WDR37: variants seen among roughly 807,000 people sequenced by gnomAD.
The protein encoded by WDR37 is WD repeat-containing protein 37.
A neutral mutation model predicts 62.9 loss-of-function variants in WDR37; 19 were observed. That is an observed-to-expected ratio of 0.30 (90% CI 0.21 to 0.44). The LOEUF is 0.44. Ranked by LOEUF, WDR37 falls within the 20% of genes least tolerant of loss-of-function variation. The pLI, the probability that WDR37 is intolerant of heterozygous loss-of-function variation, is 1.00. For missense variants in WDR37, 474 were observed against 657.6 expected, an observed-to-expected ratio of 0.72 and a Z score of 3.05; for synonymous variants, 250 against 260.9, an observed-to-expected ratio of 0.96 and a Z score of 0.40.
At chr10:1,089,702 C>T (rs1375639415) in intron 7 of WDR37, among the ~76,000 whole-genome samples, 5 of 151,642 alleles carry the variant, frequency 3.3e-5, no homozygotes, top group African/African-American at 7.2e-5. Flanking sequence ...TCGGCCTTCC[C>T]GTGCTCACCC....
chr10:1,072,095 G>GT (rs1246983056), intron 1 of WDR37, 21 bp from the exon 2 acceptor site: 20 of 1,581,784 alleles, frequency 1.3e-5, no homozygotes, highest in Non-Finnish European at 1.6e-5. Flanking sequence ...CAGAAACACT[G>GT]TTTTTTCTTG....
chr10:1,101,386 G>T (rs1480392919), intron 9 of WDR37, among the ~76,000 whole-genome samples: 1 of 152,192 alleles, frequency 6.6e-6, no homozygotes, highest in African/African-American at 2.4e-5. Flanking sequence ...CCCTCTGGGA[G>T]TGTCTGTGTC....
chr10:1,077,048 T>C (rs1444997707), intron 2 of WDR37, among the ~76,000 whole-genome samples: 1 of 152,026 alleles, frequency 6.6e-6, no homozygotes, highest in African/African-American at 2.4e-5. Flanking sequence ...TTAGAAATAT[T>C]TGATGGGGAT....
intron 1 of WDR37, among the ~76,000 whole-genome samples, chr10:1,066,230 C>T (rs1022193609): frequency 6.6e-6 from 1 of 152,182 alleles, no homozygotes; most frequent in East Asian, 1.9e-4. Flanking sequence ...ATTCTCCTGC[C>T]TCAGCCTCCT....
chr10:1,115,624 A>T (rs1177615683), intron 11 of WDR37, among the ~76,000 whole-genome samples: 1 of 152,238 alleles, frequency 6.6e-6, no homozygotes, highest in Admixed American at 6.5e-5. Flanking sequence ...CACAGTCAGC[A>T]TGCAGGTGTC....
chr10:1,108,746 C>CA (rs1835107884), intron 11 of WDR37, among the ~76,000 whole-genome samples: 6 of 139,738 alleles, frequency 4.3e-5, no homozygotes, highest in Middle Eastern at 3.3e-3. Flanking sequence ...GATGCCCCCC[C>CA]CCCCCGTGGA....
intron 13 of WDR37, 61 bp from the exon 14 acceptor site, chr10:1,129,151 AG>A: frequency 1.9e-6 from 3 of 1,592,698 alleles, no homozygotes; most frequent in Non-Finnish European, 2.6e-6. Context: ...CATTTCGCTG[AG>A]GTCTTATAAT....
intron 9 of WDR37, among the ~76,000 whole-genome samples, chr10:1,100,229 G>A (rs57514701): frequency 0.079 from 12,010 of 152,198 alleles, 488 homozygotes; most frequent in East Asian, 0.1. Context: ...CTGGTGTTGG[G>A]GGTTCTGAGT....
At chr10:1,097,872 G>T (rs1029580838) in intron 9 of WDR37, among the ~76,000 whole-genome samples, 5 of 152,176 alleles carry the variant, frequency 3.3e-5, no homozygotes, top group African/African-American at 1.2e-4. Context: ...TAACTTGTTT[G>T]GGTTCCGTGG....
chr10:1,125,816 A>G (rs1408440357), intron 13 of WDR37, among the ~76,000 whole-genome samples: 1 of 152,190 alleles, frequency 6.6e-6, no homozygotes, highest in Admixed American at 6.5e-5. Flanking sequence ...ATATATTTAA[A>G]TGTTAGTTTC....
rs1206498583 is a variant in WDR37 at position 1,071,970 on chromosome 10, CTTAATTTGTCA to C, written c.-40-144_-40-134del. ...GGCTGTGGTCCCTACCTTAAAACAT[CTTAATTTGTCA>C]TATTCCAAATTATATAGTTAATGTT... On this transcript the variant is annotated intron_variant, in intron 1 of 13. Coordinates refer to ENST00000263150, the MANE Select transcript of WDR37 (RefSeq NM_014023.4). 11 of 567,148 alleles carry C rather than the reference CTTAATTTGTCA, an allele frequency of 1.9e-5. No homozygotes were observed. In the African/African-American group the frequency reaches 2.1e-4, roughly 11 times the overall value. 35.1% of individuals were successfully genotyped at this position (567,148 alleles called of 1,614,324 possible).
chr10:1,067,102 C>T (rs985639098), intron 1 of WDR37, among the ~76,000 whole-genome samples: 1 of 152,080 alleles, frequency 6.6e-6, no homozygotes, highest in East Asian at 1.9e-4. Context: ...ATATGTAGAT[C>T]GGTGGAACAG....
chr10:1,058,826 TACTACAA>T (rs2131598695), intron 1 of WDR37, among the ~76,000 whole-genome samples: 1 of 152,378 alleles, frequency 6.6e-6, no homozygotes, highest in East Asian at 1.9e-4. Flanking sequence ...GATAAAATGT[TACTACAA>T]ACTTGATTAA....
At chr10:1,074,368 C>G (rs1306322547) in intron 2 of WDR37, 1 of 1,274,354 alleles carries the variant, frequency 7.8e-7, no homozygotes, top group South Asian at 1.3e-5. Context: ...GTAACCCTCA[C>G]GAAGGTAGCT....
chr10:1,074,629 G>A (rs1589083345), intron 2 of WDR37: 11 of 835,338 alleles, frequency 1.3e-5, no homozygotes, highest in South Asian at 1.6e-5. Flanking sequence ...GGTGTCTGCC[G>A]CACGCGTTTG....
chr10:1,129,111 A>G (rs1208541782), intron 13 of WDR37, 102 bp from the exon 14 acceptor site: 2 of 1,511,730 alleles, frequency 1.3e-6, no homozygotes, highest in African/African-American at 1.4e-5. Context: ...GTTTTCCTAT[A>G]ACTTACGTAC....
At chr10:1,083,616 A>G (rs768989319) in intron 5 of WDR37, among the ~76,000 whole-genome samples, 24 of 152,224 alleles carry the variant, frequency 1.6e-4, no homozygotes, top group African/African-American at 5.5e-4. Flanking sequence ...CTCTGCAGAA[A>G]TCGTTGTGTT....
chr10:1,077,918 G>C lies in WDR37; in HGVS notation c.150G>C (p.Leu50=). ...RDMLEGQDSK[L]PSSVRSTLLE... ...GTCTTCTTCTGCAGGATTCTAAACT[G>C]CCTTCCTCGGTTCGCAGTACACTTC... Residue 50 remains leucine, a synonymous_variant, in exon 3 of 14, where the codon CTG becomes CTC. Coordinates refer to ENST00000263150, the MANE Select transcript of WDR37 (RefSeq NM_014023.4). 6.2e-7 allele frequency: 1 copy of C among 1,610,196 alleles called. No homozygotes were observed.
chr10:1,129,330 C>G lies in WDR37; in HGVS notation c.1471C>G (p.Leu491Val). 6.2e-7 allele frequency: 1 copy of G among 1,614,056 alleles called. No homozygotes were observed. The highest frequency in any genetic ancestry group is 8.5e-7 in the Non-Finnish European group (1 of 1,179,998). Reference sequence around the variant, plus strand: ...TTGGAACATCAACATCCCTGCATTGCTACAAGAAAAATAAGGACACCGGCA... The same window carrying G: ...TTGGAACATCAACATCCCTGCATTGGTACAAGAAAAATAAGGACACCGGCA... The part of the protein sequence containing the change: ...IGWNINIPAL[L>V]QEK Residue 491 changes from leucine (L) to valine (V), a missense_variant, in exon 14 of 14, where the codon CTA (leucine) becomes GTA (valine). Physicochemically the swap from Leu to Val is conservative, Grantham distance 32 (BLOSUM62 1). Transcript: ENST00000263150.
Sources: allele counts gnomAD v4.1 joint callset (sites outside exome capture counted in the v4.1 genomes callset), GRCh38; gene constraint gnomAD v4.1.1; transcripts MANE v1.5; gene names NCBI Gene and HGNC (gene_info 2026-07-23, HGNC 2026-07-21).